The following RPTOR variants were observed in gnomAD, a reference collection of about 807,000 sequenced individuals.
The protein encoded by RPTOR is regulatory-associated protein of mTOR.
In RPTOR, 21 loss-of-function variants were observed where a neutral mutation model predicts 169.9. The ratio of observed to expected loss-of-function variants is 0.12; its 90% CI spans 0.09 to 0.18. The LOEUF (loss-of-function observed/expected upper bound fraction) is 0.18. RPTOR is among the 10% of genes least tolerant of loss of function. The pLI is 1.00. For synonymous variants in RPTOR, 732 were observed against 753.2 expected, an observed-to-expected ratio of 0.97 and a Z score of 0.46; for missense variants, 1,133 against 1,855.9, an observed-to-expected ratio of 0.61 and a Z score of 7.16.
At chr17:80,787,073 C>G (rs1049450302) in intron 6 of RPTOR, among the ~76,000 whole-genome samples, 1 of 152,250 alleles carries the variant, frequency 6.6e-6, no homozygotes, top group Admixed American at 6.5e-5. Flanking sequence ...ACCTGCCGCC[C>G]CCGCCCTGTG....
chr17:80,634,554 T>C (rs2065480360), intron 2 of RPTOR, among the ~76,000 whole-genome samples: 1 of 129,028 alleles, frequency 7.8e-6, no homozygotes, highest in Admixed American at 8.0e-5. Flanking sequence ...TGTGTGTGCA[T>C]ACTGTGTGTG....
At chr17:80,780,027 G>A (rs1022694424) in intron 6 of RPTOR, among the ~76,000 whole-genome samples, 1 of 152,056 alleles carries the variant, frequency 6.6e-6, no homozygotes, top group African/African-American at 2.4e-5. Context: ...TGGGAAACTC[G>A]CTCCTCGTGG....
At chr17:80,732,487 T>G (rs2066401060) in intron 5 of RPTOR, among the ~76,000 whole-genome samples, 1 of 152,150 alleles carries the variant, frequency 6.6e-6, no homozygotes, top group Non-Finnish European at 1.5e-5. Context: ...ACAGAAAAGA[T>G]TCCCATGCAT....
intron 13 of RPTOR, among the ~76,000 whole-genome samples, chr17:80,859,114 A>G (rs909138482): frequency 3.3e-5 from 5 of 151,858 alleles, no homozygotes; most frequent in Non-Finnish European, 7.4e-5. Flanking sequence ...GGGCTCGGGG[A>G]GCCTTCCAGA....
At chr17:80,930,429 C>CAG (rs2068879107) in intron 24 of RPTOR, among the ~76,000 whole-genome samples, 3 of 2,132 alleles carry the variant, frequency 1.4e-3, no homozygotes, top group African/African-American at 4.5e-3. Context: ...CTCAGCTCAT[C>CAG]CTCATCCCCA....
chr17:80,902,672 C>T (rs946475178), intron 20 of RPTOR, among the ~76,000 whole-genome samples: 14 of 152,350 alleles, frequency 9.2e-5, no homozygotes, highest in South Asian at 2.1e-4. Context: ...TGGCTGGAGA[C>T]GGTCTGTGGC....
intron 25 of RPTOR, among the ~76,000 whole-genome samples, chr17:80,945,261 C>T (rs1352144260): frequency 5.9e-5 from 9 of 152,108 alleles, no homozygotes; most frequent in Admixed American, 4.6e-4. Flanking sequence ...CCACTCTGCA[C>T]CCCAGCCAGG....
intron 3 of RPTOR, among the ~76,000 whole-genome samples, chr17:80,645,002 G>A (rs1478155816): frequency 6.6e-6 from 1 of 152,152 alleles, no homozygotes; most frequent in Non-Finnish European, 1.5e-5. Flanking sequence ...TCTTAAATTG[G>A]TTGCCTCTTG....
At chr17:80,927,473 C>A (rs988629415) in intron 24 of RPTOR, among the ~76,000 whole-genome samples, 4 of 152,294 alleles carry the variant, frequency 2.6e-5, no homozygotes, top group Middle Eastern at 3.4e-3. Context: ...TAATCCAAAA[C>A]TCATTGCTCT....
intron 9 of RPTOR, among the ~76,000 whole-genome samples, chr17:80,834,007 A>G (rs1044735086): frequency 6.6e-6 from 1 of 152,224 alleles, no homozygotes; most frequent in African/African-American, 2.4e-5. Flanking sequence ...AAACAAAACA[A>G]AAGGTTGCCA....
chr17:80,664,060 T>G (rs1733088050), intron 3 of RPTOR, among the ~76,000 whole-genome samples: 1 of 152,058 alleles, frequency 6.6e-6, no homozygotes, highest in Non-Finnish European at 1.5e-5. Context: ...TGGAGCAAAA[T>G]GCAGGCCTCC....
At chr17:80,798,515 C>G (rs192107903) in intron 7 of RPTOR, among the ~76,000 whole-genome samples, 2 of 152,094 alleles carry the variant, frequency 1.3e-5, no homozygotes, top group Non-Finnish European at 2.9e-5. Context: ...AATTGTTCCT[C>G]CCAGACTCCG....
chr17:80,561,202 C>T (rs2084483167), intron 1 of RPTOR, among the ~76,000 whole-genome samples: 2 of 142,010 alleles, frequency 1.4e-5, no homozygotes, highest in East Asian at 2.1e-4. Context: ...TCCTGAGTAG[C>T]TATGATTACA....
Position 80,708,661 on chromosome 17 carries a change from T to C in RPTOR, c.507+662T>C, listed in dbSNP as rs139980334. 0.078 allele frequency among the ~76,000 whole-genome samples: 10,774 copies of C among 137,296 alleles called. 687 individuals are homozygous for C. The highest frequency in any genetic ancestry group is 0.13 in the African/African-American group (4,365 of 32,898). 90.1% of individuals were successfully genotyped at this position (137,296 alleles called of 152,430 possible). A position where few individuals can be genotyped will look rare whatever the true frequency, so the allele number is the denominator to read the frequency against. On this transcript the variant is annotated intron_variant, in intron 4 of 33. Transcript: ENST00000306801. This position sits in a 1 kb window ranked among gnomAD's most constrained non-coding sequence, Gnocchi z 4.2. The stretch of plus-strand genomic sequence containing the variant: ...CCAGGGTGTGGTGGGTGCTGACTGT[T>C]GTCCCCACCCTCCAGGGTGTGGTGG...
intron 17 of RPTOR, among the ~76,000 whole-genome samples, chr17:80,885,637 G>A (rs369832445): frequency 1.3e-5 from 2 of 152,232 alleles, no homozygotes; most frequent in East Asian, 1.9e-4. Context: ...TCCGCCTCCC[G>A]GGTTCATGCC....
rs117587594 is a variant in RPTOR, at chr17:80,637,920, C to T, written c.266-5808C>T. Among the ~76,000 whole-genome samples the T allele has an allele frequency of 3.4e-4, 52 of 152,354 alleles. No homozygotes were observed. In the East Asian group the frequency reaches 9.3e-3, roughly 27 times the overall value. On this transcript the variant is annotated intron_variant, in intron 2 of 33. Coordinates refer to ENST00000306801, the MANE Select transcript of RPTOR (RefSeq NM_020761.3). ...GTTTACAGAGCACTTGCACAGACTT[C>T]GTCATTGATTCTTGCAACCATTTGG...
At chr17:80,855,350 G>A in intron 11 of RPTOR, 114 bp from the exon 12 acceptor site, 1 of 739,528 alleles carries the variant, frequency 1.4e-6, no homozygotes. Context: ...TGAAGCAGCA[G>A]ACAGATCTGA....
Position 80,947,373 on chromosome 17 carries a change from A to G in RPTOR, c.3265+22A>G. 6.5e-7 allele frequency: 1 copy of G among 1,529,386 alleles called. No homozygotes were observed. Among genetic ancestry groups the G allele is most frequent in the Non-Finnish European group, 8.8e-7 (1 of 1,140,172 alleles). The allele number at this position is 1,529,386 out of a possible 1,614,324, so 94.7% of individuals were successfully genotyped here. A position where few individuals can be genotyped will look rare whatever the true frequency, so the allele number is the denominator to read the frequency against. ...ACAGGTGAGCGGGGTTTGCACAGCCAGGATTGGAAGCCAGGGTCTGGAGGA... is the reference window on the plus strand; with the variant it reads ...ACAGGTGAGCGGGGTTTGCACAGCCGGGATTGGAAGCCAGGGTCTGGAGGA... On this transcript the variant is annotated intron_variant, in intron 27 of 33. Coordinates refer to ENST00000306801, the MANE Select transcript of RPTOR (RefSeq NM_020761.3). The surrounding 1 kb of genome is among the most constrained non-coding windows in gnomAD (Gnocchi z 4.4).
chr17:80,708,429 G>T lies in RPTOR; in HGVS notation c.507+430G>T, dbSNP rs538983011. ...AATTCCAAGCTGCCCTGCAGGTGCA[G>T]GCTCTGGGCTTCCCTCCTCAAGGTC... is the stretch of plus-strand genomic sequence containing the variant. On this transcript the variant is annotated intron_variant, in intron 4 of 33. Coordinates refer to ENST00000306801, the MANE Select transcript of RPTOR (RefSeq NM_020761.3). The surrounding 1 kb of genome is among the most constrained non-coding windows in gnomAD (Gnocchi z 4.2). 6.6e-6 allele frequency among the ~76,000 whole-genome samples: 1 copy of T among 152,364 alleles called. No individual in the cohort carries two copies. The highest frequency in any genetic ancestry group is 2.4e-5 in the African/African-American group (1 of 41,578).
Sources: allele counts gnomAD v4.1 joint callset (sites outside exome capture counted in the v4.1 genomes callset), GRCh38; gene constraint gnomAD v4.1.1; non-coding constraint Gnocchi (gnomAD v3.1); transcripts MANE v1.5; gene names NCBI Gene and HGNC (gene_info 2026-07-23, HGNC 2026-07-21).